DPYSL5: variants seen among roughly 807,000 people sequenced by gnomAD.
The protein encoded by DPYSL5 is dihydropyrimidinase-related protein 5.
In DPYSL5, 9 loss-of-function variants were observed where a neutral mutation model predicts 58.4. The observed-to-expected ratio is 0.15, with a 90% CI of 0.09 to 0.27. DPYSL5 has a LOEUF of 0.27. Among genes scored for constraint, DPYSL5 ranks in the 10% least tolerant of loss-of-function variants. The pLI, the probability that DPYSL5 is intolerant of heterozygous loss-of-function variation, is 1.00. For missense variants in DPYSL5, 499 were observed against 770.6 expected, an observed-to-expected ratio of 0.65 and a Z score of 4.17; for synonymous variants, 293 against 301.9, an observed-to-expected ratio of 0.97 and a Z score of 0.31.
In DPYSL5 at chr2:26,934,731, C is replaced by G. The variant is rs1340366053; in HGVS notation, c.944C>G (p.Ala315Gly). Residue 315 changes from alanine (A) to glycine (G), a missense_variant, in exon 8 of 13, where the codon GCC becomes GGC. Physicochemically the swap from Ala to Gly is moderately conservative, Grantham distance 60 (BLOSUM62 0). Coordinates refer to ENST00000288699, the MANE Select transcript of DPYSL5 (RefSeq NM_020134.4). This position sits in a 1 kb window ranked among gnomAD's most constrained non-coding sequence, Gnocchi z 4.3. ...TCAACCTACCTCATGAGCCTGCTGG[C>G]CAAGTAAGGCGTTTCAGCAGCACAT... is the stretch of plus-strand genomic sequence containing the variant. Reference protein sequence around the residue: ...NTSTYLMSLLANDTLNIVASD... With the variant: ...NTSTYLMSLLGNDTLNIVASD... 1 of 1,614,054 alleles carries G rather than the reference C, an allele frequency of 6.2e-7. No individual in the cohort carries two copies. The highest frequency in any genetic ancestry group is 8.5e-7 in the Non-Finnish European group (1 of 1,179,964).
intron 2 of DPYSL5, among the ~76,000 whole-genome samples, chr2:26,911,921 A>G (rs1664449670): frequency 6.6e-6 from 1 of 152,230 alleles, no homozygotes; most frequent in African/African-American, 2.4e-5. Flanking sequence ...ATCAAAGAAT[A>G]TATTTTTCCC....
At chr2:26,931,540 C>T in intron 5 of DPYSL5, 100 bp from the exon 6 acceptor site, 1 of 1,482,384 alleles carries the variant, frequency 6.7e-7, no homozygotes, top group Non-Finnish European at 9.3e-7. Flanking sequence ...CCGAGCCAAC[C>T]CCTATGGGTG....
At chr2:26,930,693 G>A (rs1664947996) in intron 5 of DPYSL5, among the ~76,000 whole-genome samples, 1 of 152,108 alleles carries the variant, frequency 6.6e-6, no homozygotes, top group African/African-American at 2.4e-5. Flanking sequence ...GCCAAGCATG[G>A]GCCGGGCATG....
chr2:26,930,931 G>A (rs766286309), intron 5 of DPYSL5, among the ~76,000 whole-genome samples: 4 of 149,820 alleles, frequency 2.7e-5, no homozygotes, highest in Admixed American at 6.7e-5. Flanking sequence ...CCAAGATTGC[G>A]CCACTGCACT....
chr2:26,908,981 T>G (rs3843322), intron 2 of DPYSL5, among the ~76,000 whole-genome samples: 56,569 of 151,944 alleles, frequency 0.37, 11,003 homozygotes, highest in Admixed American at 0.53. Flanking sequence ...ATTGGAAATA[T>G]CTGTTCTCCC....
At chr2:26,874,642 G>C (rs773005192) in intron 1 of DPYSL5, among the ~76,000 whole-genome samples, 25 of 152,146 alleles carry the variant, frequency 1.6e-4, no homozygotes, top group Non-Finnish European at 3.2e-4. Context: ...CTTGAAATAA[G>C]GTTTTAAAAA....
intron 1 of DPYSL5, among the ~76,000 whole-genome samples, chr2:26,871,207 C>T (rs1247308530): frequency 6.6e-6 from 1 of 152,070 alleles, no homozygotes; most frequent in Non-Finnish European, 1.5e-5. Context: ...CACTCTCTGG[C>T]CTTTTACAGA....
rs150610431 is a variant in DPYSL5 at position 26,863,928 on chromosome 2, G to A, written c.-5+15674G>A. 9.9e-5 allele frequency among the ~76,000 whole-genome samples: 15 copies of A among 152,226 alleles called. 1 individual carries two copies. In the East Asian group the frequency reaches 2.9e-3, roughly 29 times the overall value. On this transcript the variant is annotated intron_variant, in intron 1 of 12. Transcript: ENST00000288699. ...ACAGTATTTCCTTTTCGTTTTAATA[G>A]ATACAAGGAATTTCAGAAATTACAT...
chr2:26,869,428 C>T (rs774486354), intron 1 of DPYSL5, among the ~76,000 whole-genome samples: 2 of 152,154 alleles, frequency 1.3e-5, no homozygotes, highest in Non-Finnish European at 2.9e-5. Context: ...CATCACCCCA[C>T]ACAGACACTT....
rs66756785 is a variant in DPYSL5 at position 26,928,687 on chromosome 2, G to GTATATA, written c.669+377_669+382dup. On this transcript the variant is annotated intron_variant, in intron 5 of 12. Coordinates refer to ENST00000288699, the MANE Select transcript of DPYSL5 (RefSeq NM_020134.4). Reference sequence around the variant, plus strand: ...ACTGCAATCCAGCCAAGGTGATAGAGTATATATATATATATATACACACAC... The same window carrying GTATATA: ...ACTGCAATCCAGCCAAGGTGATAGAGTATATATATATATATATATATATACACACAC... Among the ~76,000 whole-genome samples the GTATATA allele has an allele frequency of 1.5e-3, 92 of 60,706 alleles. 4 individuals carry two copies. Among genetic ancestry groups the GTATATA allele is most frequent in the African/African-American group, 3.6e-3 (61 of 16,894 alleles). The allele number at this position is 60,706 out of a possible 152,430, so 39.8% of individuals were successfully genotyped here.
intron 1 of DPYSL5, among the ~76,000 whole-genome samples, chr2:26,889,436 A>T (rs1359080028): frequency 6.6e-6 from 1 of 151,438 alleles, no homozygotes; most frequent in African/African-American, 2.4e-5. Context: ...CGCCCGGCTA[A>T]TTTTTTTGTA....
chr2:26,880,906 G>A (rs1197090761), intron 1 of DPYSL5, among the ~76,000 whole-genome samples: 2 of 152,234 alleles, frequency 1.3e-5, no homozygotes, highest in African/African-American at 2.4e-5. Context: ...ATAAGGCATA[G>A]GCTTGGCTTT....
intron 1 of DPYSL5, among the ~76,000 whole-genome samples, chr2:26,884,520 T>TCTCTCACACACACA: frequency 6.9e-6 from 1 of 145,634 alleles, no homozygotes; most frequent in African/African-American, 2.5e-5. Flanking sequence ...TTGTCCTATC[T>TCTCTCACACACACA]CACACACACA....
chr2:26,946,929 T>C lies in DPYSL5; in HGVS notation c.1629T>C (p.His543=), dbSNP rs763679506. Residue 543 remains histidine, a synonymous_variant, in exon 13 of 13, where the codon CAT becomes CAC. Transcript: ENST00000288699. The part of the protein sequence containing the change: ...FSLSGSQIDD[H]VPKRASARIL... ...CTGCAGGCTCTCAGATCGATGACCA[T>C]GTTCCAAAGCGAGCTTCAGCTCGGA... 1.4e-5 allele frequency: 22 copies of C among 1,614,094 alleles called. No homozygotes were observed. The East Asian group carries it at 4.9e-4, about 36-fold the overall frequency.
rs1379145653 is a variant in DPYSL5 at position 26,849,618 on chromosome 2, G to A, written c.-5+1364G>A. ...TCGAGGAGCTGAAAGGCTTTGCCCA[G>A]CAGCAGGTGCTGCCAGGGAGGCGGA... On this transcript the variant is annotated intron_variant, in intron 1 of 12. Coordinates refer to ENST00000288699, the MANE Select transcript of DPYSL5 (RefSeq NM_020134.4). The surrounding 1 kb of genome is among the most constrained non-coding windows in gnomAD (Gnocchi z 6.2). 6.6e-6 allele frequency among the ~76,000 whole-genome samples: 1 copy of A among 152,242 alleles called. No individual in the cohort carries two copies.
At chr2:26,932,606 T>A (rs1665061811) in intron 6 of DPYSL5, among the ~76,000 whole-genome samples, 1 of 152,214 alleles carries the variant, frequency 6.6e-6, no homozygotes, top group African/African-American at 2.4e-5. Flanking sequence ...TAACCCAGAA[T>A]AAGGAAAGAC....
At chr2:26,941,192 C>T (rs2148175509) in intron 9 of DPYSL5, among the ~76,000 whole-genome samples, 1 of 152,170 alleles carries the variant, frequency 6.6e-6, no homozygotes, top group Non-Finnish European at 1.5e-5. Flanking sequence ...CCCGTCTTGG[C>T]CTCCCAAAGT....
At chr2:26,851,606 A>G (rs1665757350) in intron 1 of DPYSL5, among the ~76,000 whole-genome samples, 1 of 152,146 alleles carries the variant, frequency 6.6e-6, no homozygotes, top group African/African-American at 2.4e-5. Context: ...CCACGGGACT[A>G]TAAGCCAAAG....
intron 1 of DPYSL5, among the ~76,000 whole-genome samples, chr2:26,866,948 G>A (rs2148114160): frequency 1.3e-5 from 2 of 151,916 alleles, no homozygotes; most frequent in South Asian, 2.1e-4. Context: ...TGGCCAGGCT[G>A]GTCTCGAACT....
Sources: gnomAD v4.1 joint callset for allele counts (sites outside exome capture counted in the v4.1 genomes callset) on GRCh38, gnomAD v4.1.1 for gene constraint, Gnocchi (gnomAD v3.1) non-coding constraint, MANE v1.5 for transcripts, NCBI Gene and HGNC (gene_info 2026-07-23, HGNC 2026-07-21) for gene names.